The following DEUP1 variants were observed in gnomAD, a reference collection of about 807,000 sequenced individuals.
DEUP1 encodes the protein coiled-coil domain containing 67.
DEUP1 carries 82 observed loss-of-function variants against 87.4 expected under a neutral mutation model. The ratio of observed to expected loss-of-function variants is 0.94; its 90% CI spans 0.78 to 1.13. The LOEUF (loss-of-function observed/expected upper bound fraction) is 1.13, where lower values mean the gene tolerates loss of function less well. DEUP1 is among the 50% of genes most tolerant of loss of function. The pLI, the probability that DEUP1 is intolerant of heterozygous loss-of-function variation, is 0.00. For missense variants in DEUP1, 663 were observed against 681.5 expected (o/e 0.97, Z 0.30); for synonymous variants, 214 against 222.7 (o/e 0.96, Z 0.35).
At chr11:93,352,480 G>A in intron 2 of DEUP1, 1 of 676,778 alleles carries the variant, frequency 1.5e-6, no homozygotes, top group Non-Finnish European at 2.7e-6. Context: ...CATTTTGTTT[G>A]AAACTCAATA....
intron 4 of DEUP1, among the ~76,000 whole-genome samples, chr11:93,359,004 C>G (rs1235421103): frequency 2.6e-5 from 4 of 152,024 alleles, no homozygotes; most frequent in African/African-American, 4.8e-5. Flanking sequence ...TTCTGCTTCT[C>G]TTTTTCTCTA....
At chr11:93,416,258 G>C (rs1947621929) in intron 13 of DEUP1, among the ~76,000 whole-genome samples, 1 of 151,894 alleles carries the variant, frequency 6.6e-6, no homozygotes, top group Non-Finnish European at 1.5e-5. Context: ...TTTTTTGAAA[G>C]GATCAACAAA....
At chr11:93,393,024 C>CCCT (rs34631018) in intron 9 of DEUP1, among the ~76,000 whole-genome samples, 106,432 of 133,286 alleles carry the variant, frequency 0.8, 42,701 homozygotes, top group East Asian at 0.89. Flanking sequence ...CTCCTCTGAG[C>CCCT]CCTCCTCCTC....
At position 93,394,675 on chromosome 11, in the gene DEUP1, T is replaced by C; in HGVS notation, c.1239+19T>C. On this transcript the variant is annotated intron_variant, in intron 10 of 13. Coordinates refer to ENST00000298050, the MANE Select transcript of DEUP1 (RefSeq NM_181645.4). ...ACAAAAGGTATGCAAGCAGGCAGAA[T>C]AGCACTTGTCTAGGGCACATTCTTG... The C allele has an allele frequency of 1.3e-6, 2 of 1,575,662 alleles. No homozygotes were observed. The highest frequency in any genetic ancestry group is 1.7e-4 in the Middle Eastern group (1 of 5,762).
intron 5 of DEUP1, among the ~76,000 whole-genome samples, chr11:93,366,836 A>T (rs1266993924): frequency 1.3e-5 from 2 of 152,228 alleles, no homozygotes; most frequent in Non-Finnish European, 2.9e-5. Flanking sequence ...TCTATTATCT[A>T]AAACCTGTGA....
chr11:93,359,156 A>G (rs1565305315), intron 4 of DEUP1, among the ~76,000 whole-genome samples: 2 of 152,204 alleles, frequency 1.3e-5, no homozygotes, highest in African/African-American at 4.8e-5. Flanking sequence ...TCTAAGCAGA[A>G]AATGGTATCT....
At chr11:93,362,428 A>G (rs1945219404) in intron 4 of DEUP1, among the ~76,000 whole-genome samples, 2 of 151,964 alleles carry the variant, frequency 1.3e-5, no homozygotes, top group African/African-American at 4.8e-5. Flanking sequence ...TCCAAAGCAG[A>G]TATATGAATG....
At chr11:93,369,572 A>G (rs935575156) in intron 5 of DEUP1, among the ~76,000 whole-genome samples, 1 of 152,184 alleles carries the variant, frequency 6.6e-6, no homozygotes, top group Non-Finnish European at 1.5e-5. Flanking sequence ...AAAATTAGAG[A>G]TGGTAAAAAA....
chr11:93,358,665 C>T (rs1945011487), intron 4 of DEUP1, among the ~76,000 whole-genome samples: 1 of 152,106 alleles, frequency 6.6e-6, no homozygotes, highest in Non-Finnish European at 1.5e-5. Context: ...CTCACTGCAA[C>T]CTCCGCCACC....
intron 9 of DEUP1, among the ~76,000 whole-genome samples, chr11:93,393,609 C>T (rs953928271): frequency 2.0e-5 from 3 of 152,216 alleles, no homozygotes; most frequent in Non-Finnish European, 4.4e-5. Flanking sequence ...ACTGCTGACA[C>T]TAATTGCTAC....
intron 5 of DEUP1, among the ~76,000 whole-genome samples, chr11:93,366,958 A>G (rs1175527867): frequency 1.3e-5 from 2 of 152,176 alleles, no homozygotes; most frequent in Admixed American, 6.5e-5. Flanking sequence ...TTGAAATGTT[A>G]GCTATTTTCT....
intron 5 of DEUP1, among the ~76,000 whole-genome samples, chr11:93,366,472 T>C (rs1322843106): frequency 6.6e-6 from 1 of 152,220 alleles, no homozygotes. Flanking sequence ...AAGAACTTAC[T>C]GTTGGAGGTC....
In DEUP1 at chr11:93,348,329, GTCT is replaced by G. The variant is rs571924167; in HGVS notation, c.30-7036_30-7034del. Among the ~76,000 whole-genome samples, 197 of 151,772 alleles carry G rather than the reference GTCT, an allele frequency of 1.3e-3. 1 individual carries two copies. The highest frequency in any genetic ancestry group is 4.6e-3 in the African/African-American group (189 of 41,394). The stretch of plus-strand genomic sequence containing the variant: ...CTTTTGAATTGTTTTTTATGTCTCT[GTCT>G]TCTTCAATTCAGCTCTGATTTTATT... On this transcript the variant is annotated intron_variant, in intron 2 of 13. Transcript: ENST00000298050.
At chr11:93,414,604 G>C (rs1181971196) in intron 12 of DEUP1, among the ~76,000 whole-genome samples, 3 of 152,104 alleles carry the variant, frequency 2.0e-5, no homozygotes, top group African/African-American at 7.2e-5. Context: ...AAGTGTAAAA[G>C]AGAATAGAAA....
intron 9 of DEUP1, among the ~76,000 whole-genome samples, chr11:93,393,321 T>A (rs1946832311): frequency 6.6e-6 from 1 of 151,526 alleles, no homozygotes; most frequent in Non-Finnish European, 1.5e-5. Flanking sequence ...CTTTTTATTT[T>A]TTTTATTTTT....
intron 7 of DEUP1, among the ~76,000 whole-genome samples, chr11:93,380,751 AG>A (rs1946268454): frequency 6.6e-6 from 1 of 152,124 alleles, no homozygotes; most frequent in Non-Finnish European, 1.5e-5. Context: ...GATTTCTATG[AG>A]GAAGTTTACC....
chr11:93,437,458 T>G, intron 13 of DEUP1, 85 bp from the exon 14 acceptor site: 1 of 988,978 alleles, frequency 1.0e-6, no homozygotes, highest in African/African-American at 1.6e-5. Context: ...TTTGACAGTA[T>G]GTCAGGGATG....
chr11:93,370,163 T>A lies in DEUP1; in HGVS notation c.523T>A (p.Ser175Thr). Residue 175 changes from serine (S) to threonine (T), a missense_variant, in exon 6 of 14, where the codon TCT becomes ACT. Coordinates refer to ENST00000298050, the MANE Select transcript of DEUP1 (RefSeq NM_181645.4). ...TTTAGATGCTCAACAAAAATTATTA[T>A]CTGAGAAGTGTAATCAGTTTCAGGT... ...ISLDAQQKLL[S>T]EKCNQFQKQA... 1 of 1,576,132 alleles carries A rather than the reference T, an allele frequency of 6.3e-7. No individual in the cohort carries two copies. Among genetic ancestry groups the A allele is most frequent in the Non-Finnish European group, 8.7e-7 (1 of 1,148,990 alleles).
At chr11:93,402,160 T>TA (rs913027253) in intron 11 of DEUP1, among the ~76,000 whole-genome samples, 9 of 150,396 alleles carry the variant, frequency 6.0e-5, no homozygotes, top group South Asian at 2.1e-4. Flanking sequence ...AACTCAATAG[T>TA]AAAAAAAAAT....
Sources: allele counts gnomAD v4.1 joint callset (sites outside exome capture counted in the v4.1 genomes callset), GRCh38; gene constraint gnomAD v4.1.1; transcripts MANE v1.5; gene names NCBI Gene and HGNC (gene_info 2026-07-23, HGNC 2026-07-21).